The following LDB1 variants were observed in gnomAD, a reference collection of about 807,000 sequenced individuals.
The protein encoded by LDB1 is LIM domain binding 1, also known as LIM domain-binding protein 1.
LDB1 carries 6 observed loss-of-function variants against 49.7 expected under a neutral mutation model. That is an observed-to-expected ratio of 0.12 (90% CI 0.07 to 0.24). The LOEUF is 0.24. Among genes scored for constraint, LDB1 ranks in the 10% least tolerant of loss-of-function variants. The pLI, the probability that LDB1 is intolerant of heterozygous loss-of-function variation, is 1.00. For missense variants in LDB1, 341 were observed against 561.7 expected (o/e 0.61, Z 3.97); for synonymous variants, 233 against 202.0 (o/e 1.15, Z -1.30).
In LDB1 at chr10:102,111,206, C is replaced by G; in HGVS notation, c.173+50G>C. 5.0e-6 allele frequency: 8 copies of G among 1,611,860 alleles called. No individual in the cohort carries two copies. The Middle Eastern group carries it at 1.2e-3, about 233-fold the overall frequency. On this transcript the variant is annotated intron_variant, in intron 3 of 10. Transcript: ENST00000673968. Reference sequence around the variant, plus strand: ...AGCCTGCCCCCTCCACCCCCTACCTCGGCCTTCACCCAGTGGAAAGCACCT... The same window carrying G: ...AGCCTGCCCCCTCCACCCCCTACCTGGGCCTTCACCCAGTGGAAAGCACCT...
rs889750120 is a variant in LDB1 at position 102,116,984 on chromosome 10, A to C, written c.25+3102T>G. 2.9e-5 allele frequency among the ~76,000 whole-genome samples: 4 copies of C among 138,840 alleles called. No homozygotes were observed. In the Admixed American group the frequency reaches 2.9e-4, roughly 10 times the overall value. The allele number at this position is 138,840 out of a possible 152,430, so 91.1% of individuals were successfully genotyped here. A position where few individuals can be genotyped will look rare whatever the true frequency, so the allele number is the denominator to read the frequency against. On this transcript the variant is annotated intron_variant, in intron 1 of 10. Transcript: ENST00000673968. ...TAACAGTGAGATCCTAACAGAACCCACTGAGACAGGATGACCAGGGTGGGC... is the reference window on the plus strand; with the variant it reads ...TAACAGTGAGATCCTAACAGAACCCCCTGAGACAGGATGACCAGGGTGGGC...
chr10:102,114,648 G>C, intron 1 of LDB1: 1 of 950,410 alleles, frequency 1.1e-6, no homozygotes, highest in Non-Finnish European at 1.3e-6. Context: ...GCCGGGGGCC[G>C]GGGGCCAGGG....
chr10:102,109,235 T>C lies in LDB1; in HGVS notation c.857-58A>G. The C allele has an allele frequency of 1.9e-6, 3 of 1,610,478 alleles. No homozygotes were observed. Among genetic ancestry groups the C allele is most frequent in the Non-Finnish European group, 2.5e-6 (3 of 1,178,788 alleles). On this transcript the variant is annotated intron_variant, in intron 9 of 10. Transcript: ENST00000673968. The surrounding 1 kb of genome is among the most constrained non-coding windows in gnomAD (Gnocchi z 5.8). ...GGGCCCCAGGTCCCCTATTCTCCAT[T>C]GTGGCTCCCAAGGAGCATGAGCCTG...
chr10:102,112,924 C>A (rs2068276481), intron 1 of LDB1, among the ~76,000 whole-genome samples: 1 of 152,160 alleles, frequency 6.6e-6, no homozygotes. Flanking sequence ...TGGGTATGAG[C>A]CAGGTACCCC....
chr10:102,111,584 T>G, intron 1 of LDB1, 48 bp from the exon 2 acceptor site: 1 of 1,147,878 alleles, frequency 8.7e-7, no homozygotes, highest in Non-Finnish European at 1.2e-6. Context: ...GGCTCACATC[T>G]GTAATCTAGC....
At chr10:102,115,213 C>G (rs2068321055) in intron 1 of LDB1, among the ~76,000 whole-genome samples, 2 of 152,110 alleles carry the variant, frequency 1.3e-5, no homozygotes, top group Admixed American at 6.5e-5. Flanking sequence ...GGGCCAGGAA[C>G]GAAATGCAGC....
rs758561046 is a variant in LDB1 at position 102,109,540 on chromosome 10, G to T, written c.733-33C>A. The T allele has an allele frequency of 6.2e-7, 1 of 1,614,098 alleles. No individual in the cohort carries two copies. The stretch of plus-strand genomic sequence containing the variant: ...TAGACAAGGAGGTGGCTTGTCAGGG[G>T]ACAGACATGGAGCCGAGACTAAATG... On this transcript the variant is annotated intron_variant, in intron 8 of 10. Coordinates refer to ENST00000673968, the MANE Select transcript of LDB1 (RefSeq NM_001113407.3). The surrounding 1 kb of genome is among the most constrained non-coding windows in gnomAD (Gnocchi z 5.8).
intron 1 of LDB1, among the ~76,000 whole-genome samples, chr10:102,112,645 C>T (rs1036417348): frequency 2.0e-5 from 3 of 150,774 alleles, no homozygotes. Context: ...AACCAGAAAC[C>T]CAAAGCCTCA....
At chr10:102,113,544 A>G (rs866704931) in intron 1 of LDB1, among the ~76,000 whole-genome samples, 1 of 152,156 alleles carries the variant, frequency 6.6e-6, no homozygotes. Flanking sequence ...AAGGCCACAC[A>G]GGAAGCCCAA....
intron 1 of LDB1, among the ~76,000 whole-genome samples, chr10:102,112,548 T>C (rs751076238): frequency 4.6e-5 from 7 of 152,158 alleles, no homozygotes; most frequent in African/African-American, 1.2e-4. Context: ...AGATAACCAG[T>C]TGGGCCTTCT....
In LDB1 at chr10:102,106,815, T is replaced by A. The variant is rs1448241736; in HGVS notation, c.*1278A>T. On this transcript the variant is annotated 3_prime_UTR_variant, in exon 11 of 11. Coordinates refer to ENST00000673968, the MANE Select transcript of LDB1 (RefSeq NM_001113407.3). ...AGCTGCGTGAAACCCTGCTCCTGGCTGCACCCTGGCAGAGCCGAGGATCCC... is the reference window on the plus strand; with the variant it reads ...AGCTGCGTGAAACCCTGCTCCTGGCAGCACCCTGGCAGAGCCGAGGATCCC... Among the ~76,000 whole-genome samples, 5 of 152,124 alleles carry A rather than the reference T, an allele frequency of 3.3e-5. No homozygotes were observed. The highest frequency in any genetic ancestry group is 1.2e-4 in the African/African-American group (5 of 41,420).
chr10:102,109,817 C>T lies in LDB1; in HGVS notation c.648+104G>A. 6.4e-7 allele frequency: 1 copy of T among 1,565,048 alleles called. No individual in the cohort carries two copies. Among genetic ancestry groups the T allele is most frequent in the Non-Finnish European group, 8.7e-7 (1 of 1,145,274 alleles). Reference sequence around the variant, plus strand: ...TAAACCTGCTGTTCAGATGAAGAAACCCTAACCCTCTGTCTAAGTAGTCAG... The same window carrying T: ...TAAACCTGCTGTTCAGATGAAGAAATCCTAACCCTCTGTCTAAGTAGTCAG... On this transcript the variant is annotated intron_variant, in intron 7 of 10. Transcript: ENST00000673968. This position sits in a 1 kb window ranked among gnomAD's most constrained non-coding sequence, Gnocchi z 5.8.
intron 1 of LDB1, chr10:102,114,691 T>TC: frequency 2.5e-6 from 2 of 795,434 alleles, no homozygotes; most frequent in Non-Finnish European, 3.0e-6. Flanking sequence ...CCGCGGGGAG[T>TC]CCGGAGCCTT....
chr10:102,111,502 C>T lies in LDB1; in HGVS notation c.60G>A (p.Pro20=), dbSNP rs370302095. The T allele has an allele frequency of 9.7e-6, 15 of 1,551,166 alleles. No individual in the cohort carries two copies. Among genetic ancestry groups the T allele is most frequent in the South Asian group, 2.5e-5 (2 of 81,138 alleles). ...AGGCGTTGCCGTTCGGGGGCTCCTT[C>T]GGCGAGTACAGCTTGAATGACTTTG... ...CSSKSFKLYS[P]KEPPNGNAFP... is the part of the protein sequence containing the mutation. The change falls in exon 2 of 11, where the codon CCG becomes CCA. Residue 20 remains proline (P), a synonymous_variant. Coordinates refer to ENST00000673968, the MANE Select transcript of LDB1 (RefSeq NM_001113407.3).
In LDB1 at chr10:102,107,472, AC is replaced by A. The variant is rs1406517157; in HGVS notation, c.*620del. 2 of 152,454 alleles carry A rather than the reference AC, an allele frequency of 1.3e-5. No individual in the cohort carries two copies. Among genetic ancestry groups the A allele is most frequent in the Non-Finnish European group, 2.9e-5 (2 of 68,610 alleles). 9.4% of individuals were successfully genotyped at this position (152,454 alleles called of 1,614,324 possible). On this transcript the variant is annotated 3_prime_UTR_variant, in exon 11 of 11. Transcript: ENST00000673968. ...ATGCACACCTCCCTCCCCCACTCTC[AC>A]CCCCACCTAGGCCCTAGGCCCCCAT...
At chr10:102,119,482 C>CT (rs1384134136) in intron 1 of LDB1, among the ~76,000 whole-genome samples, 1 of 152,096 alleles carries the variant, frequency 6.6e-6, no homozygotes, top group African/African-American at 2.4e-5. Context: ...TGCCCTCCCA[C>CT]TAGGGCGGAG....
At chr10:102,114,038 C>T (rs575183325) in intron 1 of LDB1, among the ~76,000 whole-genome samples, 5 of 152,326 alleles carry the variant, frequency 3.3e-5, no homozygotes, top group African/African-American at 1.2e-4. Flanking sequence ...GGAGTAGAGG[C>T]AGCAAGGTGG....
Position 102,109,373 on chromosome 10 carries a change from A to G in LDB1, c.856+11T>C, listed in dbSNP as rs201917347. On this transcript the variant is annotated intron_variant, in intron 9 of 10. Coordinates refer to ENST00000673968, the MANE Select transcript of LDB1 (RefSeq NM_001113407.3). The surrounding 1 kb of genome is among the most constrained non-coding windows in gnomAD (Gnocchi z 5.8). The stretch of plus-strand genomic sequence containing the variant: ...GTGAGATCCTGGTAAGAGCAGGTGC[A>G]AGGCACTCACCAGGGGGTGCTACCA... 41 of 1,613,832 alleles carry G rather than the reference A, an allele frequency of 2.5e-5. No individual in the cohort carries two copies. Among genetic ancestry groups the G allele is most frequent in the Non-Finnish European group, 3.4e-5 (40 of 1,180,000 alleles).
chr10:102,104,973 A>G (rs1201926946), downstream of LDB1, among the ~76,000 whole-genome samples: 1 of 152,146 alleles, frequency 6.6e-6, no homozygotes, highest in Non-Finnish European at 1.5e-5. Context: ...AATGAATAAT[A>G]TTTGAATGAA....
Sources: gnomAD v4.1 joint callset for allele counts (sites outside exome capture counted in the v4.1 genomes callset) on GRCh38, gnomAD v4.1.1 for gene constraint, Gnocchi (gnomAD v3.1) non-coding constraint, MANE v1.5 for transcripts, NCBI Gene and HGNC (gene_info 2026-07-23, HGNC 2026-07-21) for gene names.